Variants in XKR4 observed in about 807,000 individuals in gnomAD.
XKR4 encodes the protein XK related 4, also known as XK-related protein 4.
In XKR4, 12 loss-of-function variants were observed where a neutral mutation model predicts 53.9. The observed-to-expected ratio is 0.22, with a 90% CI of 0.14 to 0.36. The LOEUF (loss-of-function observed/expected upper bound fraction) is 0.36. XKR4 is among the 10% of genes least tolerant of loss of function. The probability of loss-of-function intolerance (pLI) is 1.00; values close to 1 mark genes in which losing one functional copy is unlikely to be tolerated. For synonymous variants in XKR4, 354 were observed against 362.4 expected, an observed-to-expected ratio of 0.98 and a Z score of 0.26; for missense variants, 799 against 859.5, an observed-to-expected ratio of 0.93 and a Z score of 0.88.
At chr8:55,365,022 C>T (rs1803956034) in intron 2 of XKR4, among the ~76,000 whole-genome samples, 2 of 152,174 alleles carry the variant, frequency 1.3e-5, no homozygotes, top group Admixed American at 6.5e-5. Flanking sequence ...AATAGATAAA[C>T]TGATGAAATA....
chr8:55,243,731 C>A (rs1183709161), intron 1 of XKR4, among the ~76,000 whole-genome samples: 1 of 152,146 alleles, frequency 6.6e-6, no homozygotes, highest in Non-Finnish European at 1.5e-5. Context: ...ATTTTAATTG[C>A]AATTCTGTAA....
At position 55,277,565 on chromosome 8, in the gene XKR4, A is replaced by G. The variant is rs186729658; in HGVS notation, c.807-80113A>G. Among the ~76,000 whole-genome samples, 415 of 152,294 alleles carry G rather than the reference A, an allele frequency of 2.7e-3. 4 individuals carry two copies. The highest frequency in any genetic ancestry group is 9.4e-3 in the African/African-American group (390 of 41,570). On this transcript the variant is annotated intron_variant, in intron 1 of 2. Coordinates refer to ENST00000327381, the MANE Select transcript of XKR4 (RefSeq NM_052898.2). ...AAGTTAATTTTATATAATATTTTTA[A>G]TAATTTTGTGTATGAAATAAAGTTT...
intron 2 of XKR4, among the ~76,000 whole-genome samples, chr8:55,447,382 C>T (rs558094241): frequency 5.9e-5 from 9 of 152,220 alleles, no homozygotes; most frequent in African/African-American, 2.2e-4. Flanking sequence ...GGTAGATGGA[C>T]ACTACGGCTC....
At chr8:55,181,770 G>A (rs932636621) in intron 1 of XKR4, among the ~76,000 whole-genome samples, 1 of 152,108 alleles carries the variant, frequency 6.6e-6, no homozygotes, top group African/African-American at 2.4e-5. Context: ...AAGGTCAGCT[G>A]TAAAATACAG....
chr8:55,338,351 G>T (rs114970252), intron 1 of XKR4, among the ~76,000 whole-genome samples: 2 of 152,168 alleles, frequency 1.3e-5, no homozygotes, highest in African/African-American at 2.4e-5. Context: ...GAGCTAGTGT[G>T]CATGTGCTGT....
chr8:55,284,811 C>T (rs1471261369), intron 1 of XKR4, among the ~76,000 whole-genome samples: 2 of 152,112 alleles, frequency 1.3e-5, no homozygotes, highest in Non-Finnish European at 2.9e-5. Context: ...GGGAGGATTG[C>T]CAAAGAATAT....
intron 1 of XKR4, among the ~76,000 whole-genome samples, chr8:55,128,223 G>C (rs10100111): frequency 1 from 152,164 of 152,164 alleles, 76,082 homozygotes; most frequent in Non-Finnish European, 1. Flanking sequence ...CCTATTTCTT[G>C]ACATCCTCTC....
At chr8:55,142,820 AAC>A (rs1176403342) in intron 1 of XKR4, among the ~76,000 whole-genome samples, 4 of 152,330 alleles carry the variant, frequency 2.6e-5, no homozygotes, top group East Asian at 1.9e-4. Context: ...TGCACAAACA[AAC>A]ACAGTGAAAT....
intron 1 of XKR4, among the ~76,000 whole-genome samples, chr8:55,113,692 C>T (rs1816263982): frequency 6.6e-6 from 1 of 152,114 alleles, no homozygotes; most frequent in African/African-American, 2.4e-5. Context: ...GAACATTGTA[C>T]CCAATAGGTG....
At chr8:55,458,404 G>C (rs1459693849) in intron 2 of XKR4, among the ~76,000 whole-genome samples, 3 of 152,116 alleles carry the variant, frequency 2.0e-5, no homozygotes, top group African/African-American at 7.2e-5. Flanking sequence ...GCAGTGTCTA[G>C]GAGTTACCCA....
chr8:55,207,636 GCACA>G (rs1307744564), intron 1 of XKR4, among the ~76,000 whole-genome samples: 1 of 3,538 alleles, frequency 2.8e-4, no homozygotes, highest in Non-Finnish European at 6.6e-4. Flanking sequence ...ACATGCGCGC[GCACA>G]CACACACACG....
intron 2 of XKR4, among the ~76,000 whole-genome samples, chr8:55,497,633 C>G (rs1458470210): frequency 6.6e-6 from 1 of 152,206 alleles, no homozygotes; most frequent in Non-Finnish European, 1.5e-5. Context: ...CTTGTTCACA[C>G]CCCACATTCA....
At chr8:55,442,195 T>C (rs1805279517) in intron 2 of XKR4, among the ~76,000 whole-genome samples, 1 of 152,200 alleles carries the variant, frequency 6.6e-6, no homozygotes. Flanking sequence ...CTAATAACTT[T>C]ATGCCTAAAA....
At chr8:55,115,379 C>CAT (rs952249581) in intron 1 of XKR4, among the ~76,000 whole-genome samples, 21 of 61,728 alleles carry the variant, frequency 3.4e-4, no homozygotes, top group Non-Finnish European at 7.0e-4. Flanking sequence ...GTGATAGGTG[C>CAT]ATACACACAC....
chr8:55,174,757 A>G (rs1221491519), intron 1 of XKR4, among the ~76,000 whole-genome samples: 1 of 152,162 alleles, frequency 6.6e-6, no homozygotes, highest in East Asian at 1.9e-4. Context: ...ATAATCCTGC[A>G]CCACTTAGAG....
intron 1 of XKR4, among the ~76,000 whole-genome samples, chr8:55,237,362 G>A (rs972562246): frequency 1.3e-5 from 2 of 152,136 alleles, no homozygotes; most frequent in African/African-American, 4.8e-5. Flanking sequence ...CATATAATTT[G>A]TACATTGTAT....
intron 1 of XKR4, among the ~76,000 whole-genome samples, chr8:55,228,940 GA>G (rs139841245): frequency 0.021 from 3,171 of 152,172 alleles, 115 homozygotes; most frequent in African/African-American, 0.071. Context: ...AAAAGCCTCT[GA>G]AAAACTCTGA....
chr8:55,391,266 C>T (rs1394965171), intron 2 of XKR4, among the ~76,000 whole-genome samples: 1 of 152,070 alleles, frequency 6.6e-6, no homozygotes, highest in East Asian at 1.9e-4. Context: ...TCAGAGTCTA[C>T]CCTAAAGATA....
chr8:55,496,082 G>A (rs1348928599), intron 2 of XKR4, among the ~76,000 whole-genome samples: 4 of 152,186 alleles, frequency 2.6e-5, no homozygotes, highest in Non-Finnish European at 5.9e-5. Flanking sequence ...TGCCAAGAGG[G>A]CTTTGACGAT....
Sources: allele counts gnomAD v4.1 joint callset (sites outside exome capture counted in the v4.1 genomes callset), GRCh38; gene constraint gnomAD v4.1.1; transcripts MANE v1.5; gene names NCBI Gene and HGNC (gene_info 2026-07-23, HGNC 2026-07-21).